DSCAM: variants seen among roughly 807,000 people sequenced by gnomAD.
DSCAM encodes the protein cell adhesion molecule DSCAM.
In DSCAM, 47 loss-of-function variants were observed where a neutral mutation model predicts 217.7. The ratio of observed to expected loss-of-function variants is 0.22; its 90% CI spans 0.17 to 0.28. DSCAM has a LOEUF of 0.28. Ranked by LOEUF, DSCAM falls within the 10% of genes least tolerant of loss-of-function variation. The pLI is 1.00. For missense variants in DSCAM, 2,080 were observed against 2,618.3 expected, an observed-to-expected ratio of 0.79 and a Z score of 4.49; for synonymous variants, 1,056 against 1,015.3, an observed-to-expected ratio of 1.04 and a Z score of -0.76.
At chr21:40,187,284 G>T in intron 13 of DSCAM, 25 bp from the exon 14 acceptor site, 1 of 1,612,454 alleles carries the variant, frequency 6.2e-7, no homozygotes, top group Non-Finnish European at 8.5e-7. Flanking sequence ...GAAAGACTAC[G>T]AGTTAGTTCA....
chr21:40,433,833 G>A (rs1569121405), intron 3 of DSCAM, among the ~76,000 whole-genome samples: 1 of 152,152 alleles, frequency 6.6e-6, no homozygotes, highest in Non-Finnish European at 1.5e-5. Context: ...CATCATCTGA[G>A]GTAGAAGATA....
rs1003229647 is a variant in DSCAM at position 40,612,525 on chromosome 21, T to C, written c.508+80285A>G. On this transcript the variant is annotated intron_variant, in intron 3 of 32. Transcript: ENST00000400454. ...CAGATTTGCCGCGAGGAGAAAGAGATTTCTGTCTACTGGCCATTGGTGTCT... is the reference window on the plus strand; with the variant it reads ...CAGATTTGCCGCGAGGAGAAAGAGACTTCTGTCTACTGGCCATTGGTGTCT... 8.5e-5 allele frequency among the ~76,000 whole-genome samples: 13 copies of C among 152,142 alleles called. No homozygotes were observed. The East Asian group carries it at 2.5e-3, about 29-fold the overall frequency.
intron 15 of DSCAM, among the ~76,000 whole-genome samples, chr21:40,172,541 C>T (rs139381989): frequency 2.0e-5 from 3 of 152,222 alleles, no homozygotes; most frequent in Non-Finnish European, 4.4e-5. Context: ...GCTGGACAAC[C>T]TCCCACTGCC....
At chr21:40,377,057 G>C (rs2074970870) in intron 3 of DSCAM, among the ~76,000 whole-genome samples, 1 of 152,042 alleles carries the variant, frequency 6.6e-6, no homozygotes, top group South Asian at 2.1e-4. Context: ...CTTATAAAAA[G>C]GGAAAATTTA....
intron 3 of DSCAM, among the ~76,000 whole-genome samples, chr21:40,600,802 C>A (rs73902700): frequency 0.017 from 2,526 of 152,240 alleles, 62 homozygotes; most frequent in African/African-American, 0.058. Flanking sequence ...AAAAGACTAT[C>A]CTTTCCCCAT....
Position 40,134,488 on chromosome 21 carries a change from T to C in DSCAM, c.3407-479A>G, listed in dbSNP as rs73225209. On this transcript the variant is annotated intron_variant, in intron 18 of 32. Coordinates refer to ENST00000400454, the MANE Select transcript of DSCAM (RefSeq NM_001389.5). ...AACAAGCTCTACTTTAACATACATG[T>C]ATTTTTAAGTACCTAACTTCATCCC... Among the ~76,000 whole-genome samples, 599 of 152,352 alleles carry C rather than the reference T, an allele frequency of 3.9e-3. 5 individuals carry two copies. Among genetic ancestry groups the C allele is most frequent in the Non-Finnish European group, 4.0e-3 (273 of 68,036 alleles).
chr21:40,289,346 G>GT lies in DSCAM; in HGVS notation c.2182+6708dup, dbSNP rs566898873. Reference sequence around the variant, plus strand: ...CAGTGAAAACAGTGTGCATAGGTGGGTGTGGGTGGCACTTCCCCAGGCCTG... The same window carrying GT: ...CAGTGAAAACAGTGTGCATAGGTGGGTTGTGGGTGGCACTTCCCCAGGCCTG... On this transcript the variant is annotated intron_variant, in intron 10 of 32. Coordinates refer to ENST00000400454, the MANE Select transcript of DSCAM (RefSeq NM_001389.5). Among the ~76,000 whole-genome samples, 225 of 152,320 alleles carry GT rather than the reference G, an allele frequency of 1.5e-3. 1 individual carries two copies. The highest frequency in any genetic ancestry group is 5.2e-3 in the African/African-American group (216 of 41,578).
At chr21:40,820,540 T>C (rs1291998726) in intron 1 of DSCAM, among the ~76,000 whole-genome samples, 1 of 152,164 alleles carries the variant, frequency 6.6e-6, no homozygotes, top group South Asian at 2.1e-4. Flanking sequence ...GACAGGTTGA[T>C]AAGTGCAGCA....
chr21:40,793,514 C>T (rs899819887), intron 1 of DSCAM, among the ~76,000 whole-genome samples: 2 of 152,124 alleles, frequency 1.3e-5, no homozygotes, highest in East Asian at 1.9e-4. Flanking sequence ...TTTTTTGAGA[C>T]GGGGTCTCAC....
chr21:40,665,578 T>C (rs1378821610), intron 3 of DSCAM, among the ~76,000 whole-genome samples: 1 of 152,180 alleles, frequency 6.6e-6, no homozygotes, highest in Non-Finnish European at 1.5e-5. Flanking sequence ...AAATTCCCCG[T>C]ACAGCCCCCA....
intron 3 of DSCAM, among the ~76,000 whole-genome samples, chr21:40,454,445 C>A (rs1169358680): frequency 6.6e-6 from 1 of 152,050 alleles, no homozygotes; most frequent in Non-Finnish European, 1.5e-5. Flanking sequence ...TTTCAATTAC[C>A]CAATTTTCCC....
intron 3 of DSCAM, among the ~76,000 whole-genome samples, chr21:40,546,182 T>A (rs1228252928): frequency 6.6e-6 from 1 of 152,224 alleles, no homozygotes; most frequent in African/African-American, 2.4e-5. Flanking sequence ...GAAGTCCTTT[T>A]CTTGGGAAAA....
At chr21:40,539,177 C>A (rs912892048) in intron 3 of DSCAM, among the ~76,000 whole-genome samples, 1 of 152,112 alleles carries the variant, frequency 6.6e-6, no homozygotes. Flanking sequence ...CACACCGGGT[C>A]CACCAGAGCA....
At chr21:40,036,043 A>C (rs981547473) in intron 32 of DSCAM, among the ~76,000 whole-genome samples, 3 of 129,844 alleles carry the variant, frequency 2.3e-5, no homozygotes, top group African/African-American at 9.0e-5. Flanking sequence ...TATAGCACTA[A>C]ATGCCCACAA....
At chr21:40,619,928 G>A (rs758773954) in intron 3 of DSCAM, among the ~76,000 whole-genome samples, 2 of 147,160 alleles carry the variant, frequency 1.4e-5, no homozygotes, top group Non-Finnish European at 3.0e-5. Context: ...TAGTAGAATG[G>A]CAAGAAAGGA....
intron 1 of DSCAM, among the ~76,000 whole-genome samples, chr21:40,725,215 C>A (rs114692426): frequency 0.022 from 3,297 of 152,314 alleles, 125 homozygotes; most frequent in African/African-American, 0.076. Flanking sequence ...CTCTCTTCCC[C>A]TTTGTCCTTA....
At chr21:40,350,270 A>G (rs1427588101) in intron 5 of DSCAM, among the ~76,000 whole-genome samples, 1 of 152,200 alleles carries the variant, frequency 6.6e-6, no homozygotes, top group African/African-American at 2.4e-5. Flanking sequence ...TTGCAACAAA[A>G]GCCAAAATTG....
chr21:40,170,879 G>C (rs900930164), intron 15 of DSCAM, among the ~76,000 whole-genome samples: 16 of 152,162 alleles, frequency 1.1e-4, no homozygotes, highest in African/African-American at 3.9e-4. Context: ...GCTCCCTGGG[G>C]CATGGCCTTT....
chr21:40,132,982 G>C (rs764470125), intron 19 of DSCAM, among the ~76,000 whole-genome samples: 3 of 152,154 alleles, frequency 2.0e-5, no homozygotes, highest in Non-Finnish European at 4.4e-5. Flanking sequence ...GAAGACAAAA[G>C]TTGCAGAGAC....
Sources: gnomAD v4.1 joint callset for allele counts (sites outside exome capture counted in the v4.1 genomes callset) on GRCh38, gnomAD v4.1.1 for gene constraint, MANE v1.5 for transcripts, NCBI Gene and HGNC (gene_info 2026-07-23, HGNC 2026-07-21) for gene names.